The following IKZF2 variants were observed in gnomAD, a reference collection of about 807,000 sequenced individuals.
The protein encoded by IKZF2 is zinc finger protein Helios.
Under a neutral mutation model 49.2 loss-of-function variants are expected in IKZF2, and 15 were observed. The ratio of observed to expected loss-of-function variants is 0.30; its 90% CI spans 0.20 to 0.47. IKZF2 has a LOEUF of 0.47. IKZF2 is among the 20% of genes least tolerant of loss of function. IKZF2 has a pLI of 1.00. For missense variants in IKZF2, 567 were observed against 664.6 expected, an observed-to-expected ratio of 0.85 and a Z score of 1.61; for synonymous variants, 227 against 221.4, an observed-to-expected ratio of 1.03 and a Z score of -0.23.
rs369761481 is a variant in IKZF2 at position 213,066,734 on chromosome 2, C to T, written c.140-9635G>A. 8.6e-4 allele frequency among the ~76,000 whole-genome samples: 131 copies of T among 152,120 alleles called. 1 individual carries two copies. The highest frequency in any genetic ancestry group is 2.9e-3 in the African/African-American group (121 of 41,528). ...GTTGTTGTTCTTCTTCTTTACAATG[C>T]TCATACCTAGTTTTCTACTCCTAAT... is the stretch of plus-strand genomic sequence containing the variant. On this transcript the variant is annotated intron_variant, in intron 4 of 8. Coordinates refer to ENST00000434687, the MANE Select transcript of IKZF2 (RefSeq NM_001387220.1).
chr2:213,046,193 G>A (rs1358942148), intron 6 of IKZF2, among the ~76,000 whole-genome samples: 4 of 152,144 alleles, frequency 2.6e-5, no homozygotes, highest in Non-Finnish European at 4.4e-5. Context: ...AGCCCAAACC[G>A]TGCATCATGA....
chr2:213,008,019 C>T lies in IKZF2; in HGVS notation c.922G>A (p.Glu308Lys). Residue 308 changes from glutamate to lysine, a missense_variant, in exon 9 of 9, where the codon GAG becomes AAG. Coordinates refer to ENST00000434687, the MANE Select transcript of IKZF2 (RefSeq NM_001387220.1). ...HFDMNLTYEK[E>K]AELMQSHMMD... ...ATATGAGACTGCATCAGCTCAGCCT[C>T]CTTCTCATATGTTAAGTTCATATCA... 6.2e-7 allele frequency: 1 copy of T among 1,613,118 alleles called. No individual in the cohort carries two copies. The highest frequency in any genetic ancestry group is 1.1e-5 in the South Asian group (1 of 91,044).
intron 4 of IKZF2, among the ~76,000 whole-genome samples, chr2:213,079,493 GAA>G (rs1456328190): frequency 7.0e-6 from 1 of 142,340 alleles, no homozygotes; most frequent in South Asian, 2.2e-4. Context: ...GAGAAAAAAA[GAA>G]AGAGAGAGAG....
intron 4 of IKZF2, among the ~76,000 whole-genome samples, chr2:213,076,733 A>G (rs952514573): frequency 6.6e-6 from 1 of 152,212 alleles, no homozygotes; most frequent in African/African-American, 2.4e-5. Context: ...AGAGATGTCC[A>G]ACTTCCAAAT....
intron 4 of IKZF2, among the ~76,000 whole-genome samples, chr2:213,111,521 T>C (rs1205281811): frequency 3.3e-5 from 5 of 152,080 alleles, no homozygotes; most frequent in East Asian, 1.9e-4. Flanking sequence ...CTGCAAAAAG[T>C]GATTATTTTA....
At chr2:213,042,846 A>G (rs780191709) in intron 6 of IKZF2, among the ~76,000 whole-genome samples, 6 of 151,974 alleles carry the variant, frequency 3.9e-5, no homozygotes, top group African/African-American at 9.7e-5. Context: ...TTGGCCTTAA[A>G]TAAAAAAATA....
At chr2:213,132,249 C>A (rs922653318) in intron 4 of IKZF2, among the ~76,000 whole-genome samples, 1 of 149,608 alleles carries the variant, frequency 6.7e-6, no homozygotes, top group Non-Finnish European at 1.5e-5. Context: ...TTTCCAGTCA[C>A]ACAAAGGAGA....
At chr2:213,075,384 T>C (rs1193337672) in intron 4 of IKZF2, among the ~76,000 whole-genome samples, 1 of 152,148 alleles carries the variant, frequency 6.6e-6, no homozygotes, top group African/African-American at 2.4e-5. Flanking sequence ...TTTGCCATAA[T>C]ATTTAAAATG....
chr2:213,104,930 G>A (rs969213397), intron 4 of IKZF2, among the ~76,000 whole-genome samples: 1 of 152,032 alleles, frequency 6.6e-6, no homozygotes, highest in Non-Finnish European at 1.5e-5. Context: ...GATTTACAGG[G>A]CCAACCCATT....
At chr2:213,057,286 G>A (rs1486484203) in intron 4 of IKZF2, among the ~76,000 whole-genome samples, 187 bp from the exon 5 acceptor site, 1 of 152,116 alleles carries the variant, frequency 6.6e-6, no homozygotes, top group Non-Finnish European at 1.5e-5. Context: ...TGTCATGGAA[G>A]TGAAGATAGC....
intron 4 of IKZF2, among the ~76,000 whole-genome samples, chr2:213,124,252 G>GCGCACACA (rs1270409984): frequency 7.3e-6 from 1 of 136,236 alleles, no homozygotes. Context: ...GCGCGCGCGC[G>GCGCACACA]CACACACACA....
intron 4 of IKZF2, among the ~76,000 whole-genome samples, chr2:213,144,704 C>G (rs2060985862): frequency 6.6e-6 from 1 of 152,000 alleles, no homozygotes; most frequent in East Asian, 1.9e-4. Context: ...TCAGCAGACT[C>G]AATATGTACA....
At chr2:213,038,386 G>T (rs184135862) in intron 6 of IKZF2, among the ~76,000 whole-genome samples, 51 of 152,174 alleles carry the variant, frequency 3.4e-4, no homozygotes, top group African/African-American at 1.1e-3. Context: ...ATGTAAATAG[G>T]AAAACAACCG....
intron 6 of IKZF2, among the ~76,000 whole-genome samples, chr2:213,047,334 C>A (rs770947132): frequency 6.6e-6 from 1 of 152,038 alleles, no homozygotes; most frequent in Non-Finnish European, 1.5e-5. Flanking sequence ...AAATGGCCTA[C>A]CAAAGGAGTG....
Position 213,001,790 on chromosome 2 carries a change from G to T in IKZF2, c.*5570C>A, listed in dbSNP as rs941674400. ...TTTAAGAGATAACAGAGAGACCTTT[G>T]TTACACAGAAAGGGAAGGGAGTTAT... On this transcript the variant is annotated 3_prime_UTR_variant, in exon 9 of 9. Transcript: ENST00000434687. 1 of 151,524 alleles carries T rather than the reference G, an allele frequency of 6.6e-6. No homozygotes were observed. The highest frequency in any genetic ancestry group is 6.6e-5 in the Admixed American group (1 of 15,122). The allele number at this position is 151,524 out of a possible 1,614,324, so 9.4% of individuals were successfully genotyped here.
intron 4 of IKZF2, among the ~76,000 whole-genome samples, chr2:213,086,504 T>G (rs1440004896): frequency 6.6e-6 from 1 of 152,240 alleles, no homozygotes; most frequent in Non-Finnish European, 1.5e-5. Context: ...AAAGTGATCC[T>G]GATCCCATGG....
At chr2:213,030,719 G>A (rs1024898164) in intron 6 of IKZF2, among the ~76,000 whole-genome samples, 45 of 150,850 alleles carry the variant, frequency 3.0e-4, no homozygotes, top group Admixed American at 9.9e-4. Context: ...TATTAATTTC[G>A]CAAGTAAATA....
intron 6 of IKZF2, 44 bp from the exon 7 acceptor site, chr2:213,022,174 C>T (rs1361888952): frequency 2.0e-6 from 3 of 1,484,742 alleles, no homozygotes; most frequent in African/African-American, 2.9e-5. Context: ...GTCTCATCAA[C>T]ATTCAAAGCA....
At position 213,000,853 on chromosome 2, in the gene IKZF2, A is replaced by G. The variant is rs1311584361; in HGVS notation, c.*6507T>C. ...GGTCTAAGAAGATTCAATCTGTAAA[A>G]AGTTCAACTTTAGGACACATTTTTC... On this transcript the variant is annotated 3_prime_UTR_variant, in exon 9 of 9. Transcript: ENST00000434687. 2.0e-5 allele frequency: 3 copies of G among 151,618 alleles called. No individual in the cohort carries two copies. The highest frequency in any genetic ancestry group is 4.8e-5 in the African/African-American group (2 of 41,378). 9.4% of individuals were successfully genotyped at this position (151,618 alleles called of 1,614,324 possible).
Sources: allele counts gnomAD v4.1 joint callset (sites outside exome capture counted in the v4.1 genomes callset), GRCh38; gene constraint gnomAD v4.1.1; transcripts MANE v1.5; gene names NCBI Gene and HGNC (gene_info 2026-07-23, HGNC 2026-07-21).